The following GALNT18 variants were observed in gnomAD, a reference collection of about 807,000 sequenced individuals.
GALNT18 encodes the protein GalNAc-transferase 18.
GALNT18 carries 44 observed loss-of-function variants against 69.5 expected under a neutral mutation model. The observed-to-expected ratio is 0.63, with a 90% CI of 0.50 to 0.81. The LOEUF (loss-of-function observed/expected upper bound fraction) is 0.81. GALNT18 is among the 40% of genes least tolerant of loss of function. The pLI is 0.00. For synonymous variants in GALNT18, 364 were observed against 318.2 expected (o/e 1.14, Z -1.53); for missense variants, 715 against 810.0 (o/e 0.88, Z 1.42).
In GALNT18 at chr11:11,621,492, G is replaced by A; in HGVS notation, c.102C>T (p.Asn34=). Residue 34 remains asparagine, a synonymous_variant, in exon 1 of 11, where the codon AAC becomes AAT. Transcript: ENST00000227756. The surrounding 1 kb of genome is among the most constrained non-coding windows in gnomAD (Gnocchi z 9.3). ...CCCGCACATACACGCTGGCGATGTA[G>A]TTGGTGACCCAGCCCACGTAGAGCA... ...ICLLYVGWVT[N]YIASVYVRGQ... is the part of the protein sequence containing the mutation. 6.2e-7 allele frequency: 1 copy of A among 1,614,168 alleles called. No individual in the cohort carries two copies. The highest frequency in any genetic ancestry group is 8.5e-7 in the Non-Finnish European group (1 of 1,180,032).
intron 1 of GALNT18, among the ~76,000 whole-genome samples, chr11:11,551,785 G>A (rs1333615589): frequency 1.3e-5 from 2 of 152,214 alleles, no homozygotes; most frequent in African/African-American, 4.8e-5. Context: ...TCCAAAAAGA[G>A]AGTCAGCAAA....
intron 10 of GALNT18, among the ~76,000 whole-genome samples, chr11:11,273,588 T>G (rs1288333841): frequency 6.6e-6 from 1 of 152,164 alleles, no homozygotes; most frequent in African/African-American, 2.4e-5. Context: ...TTGTACATTG[T>G]TGGTGGGAAT....
At chr11:11,358,826 A>AACACACACACACACACACACACACACAC (rs10644506) in intron 6 of GALNT18, among the ~76,000 whole-genome samples, 7 of 110,906 alleles carry the variant, frequency 6.3e-5, no homozygotes, top group East Asian at 2.1e-4. Flanking sequence ...ATCCACACAA[A>AACACACACACACACACACACACACACAC]ACACACACAC....
chr11:11,379,078 T>C lies in GALNT18; in HGVS notation c.779+3A>G. Reference sequence around the variant, plus strand: ...TCCTCCTCCTCTCCCAAGGGGCACTTACCAGCCCACATTGAACTCCACGTG... The same window carrying C: ...TCCTCCTCCTCTCCCAAGGGGCACTCACCAGCCCACATTGAACTCCACGTG... On this transcript the variant is annotated splice_donor_region_variant and intron_variant, in intron 4 of 10. Coordinates refer to ENST00000227756, the MANE Select transcript of GALNT18 (RefSeq NM_198516.3). 1 of 1,594,020 alleles carries C rather than the reference T, an allele frequency of 6.3e-7. No homozygotes were observed. Among genetic ancestry groups the C allele is most frequent in the Non-Finnish European group, 8.5e-7 (1 of 1,173,808 alleles).
At chr11:11,293,533 C>CTTTTTTTTTTTTTTT in intron 9 of GALNT18, among the ~76,000 whole-genome samples, 1 of 80,212 alleles carries the variant, frequency 1.2e-5, no homozygotes, top group Non-Finnish European at 2.3e-5. Flanking sequence ...ACAAACCCCT[C>CTTTTTTTTTTTTTTT]TTTTTTTTTT....
intron 10 of GALNT18, among the ~76,000 whole-genome samples, chr11:11,284,127 G>C (rs1849142847): frequency 6.6e-6 from 1 of 152,224 alleles, no homozygotes; most frequent in Non-Finnish European, 1.5e-5. Context: ...CACTCAATTT[G>C]TGTCTCAACA....
At chr11:11,481,828 A>C (rs1053791582) in intron 1 of GALNT18, among the ~76,000 whole-genome samples, 3 of 152,194 alleles carry the variant, frequency 2.0e-5, no homozygotes, top group Non-Finnish European at 2.9e-5. Context: ...TTCAGGAGGC[A>C]CAGACCTTGT....
chr11:11,349,476 T>G (rs768251116), intron 6 of GALNT18, among the ~76,000 whole-genome samples: 1 of 152,216 alleles, frequency 6.6e-6, no homozygotes, highest in South Asian at 2.1e-4. Flanking sequence ...CTTTAAAATT[T>G]TTGCCAATCT....
intron 6 of GALNT18, among the ~76,000 whole-genome samples, chr11:11,363,891 T>C (rs1850697245): frequency 6.6e-6 from 1 of 150,928 alleles, no homozygotes; most frequent in South Asian, 2.1e-4. Flanking sequence ...AGGGAAGCCA[T>C]TAAAGAGTCA....
intron 1 of GALNT18, among the ~76,000 whole-genome samples, chr11:11,578,536 G>C (rs75551941): frequency 6.6e-6 from 1 of 152,126 alleles, no homozygotes; most frequent in Non-Finnish European, 1.5e-5. Flanking sequence ...TTAAGAAGAG[G>C]TTTCCCTTTT....
intron 6 of GALNT18, among the ~76,000 whole-genome samples, chr11:11,346,594 C>G (rs1428344028): frequency 6.6e-6 from 1 of 152,226 alleles, no homozygotes; most frequent in African/African-American, 2.4e-5. Context: ...CGATAGCAGG[C>G]AGCTTCCTCT....
intron 6 of GALNT18, among the ~76,000 whole-genome samples, chr11:11,355,147 A>G (rs1850502695): frequency 6.6e-6 from 1 of 152,148 alleles, no homozygotes. Flanking sequence ...AAAATTATAC[A>G]TCAGAGCATG....
chr11:11,446,012 A>G (rs1163130689), intron 2 of GALNT18, among the ~76,000 whole-genome samples: 1 of 152,214 alleles, frequency 6.6e-6, no homozygotes, highest in African/African-American at 2.4e-5. Context: ...GGGCTCCCAC[A>G]TGCGCTCTCA....
chr11:11,313,858 T>C lies in GALNT18; in HGVS notation c.1512+13228A>G, dbSNP rs1849707788. On this transcript the variant is annotated intron_variant, in intron 9 of 10. Coordinates refer to ENST00000227756, the MANE Select transcript of GALNT18 (RefSeq NM_198516.3). ...TATACAAAGCACTTAGAAAGATGCC[T>C]AGAAACAGTAAGCAACAAATGCAAG... Among the ~76,000 whole-genome samples, 3 of 152,296 alleles carry C rather than the reference T, an allele frequency of 2.0e-5. No homozygotes were observed. In the South Asian group the frequency reaches 6.2e-4, roughly 32 times the overall value.
At chr11:11,498,030 A>AG (rs1326155873) in intron 1 of GALNT18, among the ~76,000 whole-genome samples, 1 of 151,802 alleles carries the variant, frequency 6.6e-6, no homozygotes, top group East Asian at 1.9e-4. Flanking sequence ...GAACTAAAAA[A>AG]CTGGAGAACT....
In GALNT18 at chr11:11,480,679, C is replaced by T. The variant is rs1856506777; in HGVS notation, c.236-31743G>A. Among the ~76,000 whole-genome samples, 1 of 152,346 alleles carries T rather than the reference C, an allele frequency of 6.6e-6. No individual in the cohort carries two copies. The highest frequency in any genetic ancestry group is 6.5e-5 in the Admixed American group (1 of 15,304). On this transcript the variant is annotated intron_variant, in intron 1 of 10. Transcript: ENST00000227756. The surrounding 1 kb of genome is among the most constrained non-coding windows in gnomAD (Gnocchi z 4.6). ...AGAGCAGAGAAGTGACATTGAGAGG[C>T]TGGCTTCAGCCTCCAGAGTCTTCCC...
At chr11:11,527,198 T>C (rs1433064628) in intron 1 of GALNT18, among the ~76,000 whole-genome samples, 6 of 152,154 alleles carry the variant, frequency 3.9e-5, no homozygotes, top group Non-Finnish European at 5.9e-5. Context: ...AACTCTGCAC[T>C]AAGGATGGAG....
At position 11,436,583 on chromosome 11, in the gene GALNT18, T is replaced by G. The variant is rs887973920; in HGVS notation, c.429-3796A>C. Among the ~76,000 whole-genome samples the G allele has an allele frequency of 3.3e-5, 5 of 152,328 alleles. No homozygotes were observed. The highest frequency in any genetic ancestry group is 1.2e-4 in the African/African-American group (5 of 41,578). ...GCAGCAGGTCTTCCATTGGTGTTTG[T>G]TGAATAAATTCCCTTTCAGTTTCCA... is the stretch of plus-strand genomic sequence containing the variant. On this transcript the variant is annotated intron_variant, in intron 2 of 10. Transcript: ENST00000227756. The surrounding 1 kb of genome is among the most constrained non-coding windows in gnomAD (Gnocchi z 4.5).
At chr11:11,412,771 C>T (rs77737414) in intron 3 of GALNT18, among the ~76,000 whole-genome samples, 1 of 152,188 alleles carries the variant, frequency 6.6e-6, no homozygotes, top group African/African-American at 2.4e-5. Flanking sequence ...AAAGTGCTCC[C>T]TGCTAACCAT....
Sources: gnomAD v4.1 joint callset for allele counts (sites outside exome capture counted in the v4.1 genomes callset) on GRCh38, gnomAD v4.1.1 for gene constraint, Gnocchi (gnomAD v3.1) non-coding constraint, MANE v1.5 for transcripts, NCBI Gene and HGNC (gene_info 2026-07-23, HGNC 2026-07-21) for gene names.